The following ZBTB20 variants were observed in gnomAD, a reference collection of about 807,000 sequenced individuals.
The protein encoded by ZBTB20 is zinc finger and BTB domain-containing protein 20.
Under a neutral mutation model 56.9 loss-of-function variants are expected in ZBTB20, and 9 were observed. The observed-to-expected ratio is 0.16, with a 90% CI of 0.10 to 0.28. The LOEUF (loss-of-function observed/expected upper bound fraction) is 0.28, where lower values mean the gene tolerates loss of function less well. Ranked by LOEUF, ZBTB20 falls within the 10% of genes least tolerant of loss-of-function variation. ZBTB20 has a pLI of 1.00. For synonymous variants in ZBTB20, 417 were observed against 420.7 expected (o/e 0.99, Z 0.11); for missense variants, 655 against 1,003.0 (o/e 0.65, Z 4.69).
chr3:114,993,463 GCA>G (rs2078902712), intron 2 of ZBTB20, among the ~76,000 whole-genome samples: 1 of 151,696 alleles, frequency 6.6e-6, no homozygotes, highest in African/African-American at 2.4e-5. Context: ...TTTGAAAATT[GCA>G]CATTCTTTCC....
intron 4 of ZBTB20, among the ~76,000 whole-genome samples, chr3:114,885,342 AC>A (rs1237105307): frequency 6.6e-6 from 1 of 151,992 alleles, no homozygotes; most frequent in East Asian, 1.9e-4. Flanking sequence ...TATAATTCAA[AC>A]TTTATTTCCT....
chr3:114,450,882 A>C (rs1034909974), intron 7 of ZBTB20, among the ~76,000 whole-genome samples: 2 of 152,142 alleles, frequency 1.3e-5, no homozygotes, highest in Non-Finnish European at 2.9e-5. Context: ...CAATTGATTA[A>C]ATTTTGAGAT....
At chr3:114,723,810 T>G (rs1387473761) in intron 5 of ZBTB20, among the ~76,000 whole-genome samples, 1 of 152,182 alleles carries the variant, frequency 6.6e-6, no homozygotes, top group Non-Finnish European at 1.5e-5. Context: ...AATAAAATAA[T>G]AAAAAGCTTA....
At chr3:115,111,568 C>T (rs1560581104) in intron 1 of ZBTB20, among the ~76,000 whole-genome samples, 1 of 152,114 alleles carries the variant, frequency 6.6e-6, no homozygotes, top group Non-Finnish European at 1.5e-5. Flanking sequence ...TTAATTTGCA[C>T]TTTAGCAGTT....
chr3:114,984,513 G>A (rs1052885391), intron 2 of ZBTB20, among the ~76,000 whole-genome samples: 6 of 151,940 alleles, frequency 3.9e-5, no homozygotes, highest in African/African-American at 1.2e-4. Context: ...CCCATGTAGT[G>A]ACATTCCAAA....
At chr3:114,525,731 T>C (rs1002002506) in intron 6 of ZBTB20, among the ~76,000 whole-genome samples, 2 of 152,234 alleles carry the variant, frequency 1.3e-5, no homozygotes, top group Non-Finnish European at 2.9e-5. Context: ...TAACACAGTG[T>C]AGGGCAGATA....
Position 114,862,975 on chromosome 3 carries a change from A to G in ZBTB20, c.-417+37329T>C, listed in dbSNP as rs180791458. ...TGGAAGAGGTTCTAGGAATAAAGAC[A>G]AGGTCCTTATTTCAGAACTTAAATT... On this transcript the variant is annotated intron_variant, in intron 4 of 11. Coordinates refer to ENST00000675478, the MANE Select transcript of ZBTB20 (RefSeq NM_001348800.3). Among the ~76,000 whole-genome samples the G allele has an allele frequency of 1.9e-3, 289 of 152,280 alleles. 1 individual carries two copies. The highest frequency in any genetic ancestry group is 3.4e-3 in the Middle Eastern group (1 of 294).
At chr3:114,914,909 G>T (rs975588384) in intron 3 of ZBTB20, among the ~76,000 whole-genome samples, 2 of 151,834 alleles carry the variant, frequency 1.3e-5, no homozygotes, top group African/African-American at 2.4e-5. Flanking sequence ...ATTGAGGCCT[G>T]GGATAAATTC....
chr3:114,829,684 T>G (rs1255966538), intron 4 of ZBTB20, among the ~76,000 whole-genome samples: 4 of 151,886 alleles, frequency 2.6e-5, no homozygotes, highest in African/African-American at 9.7e-5. Flanking sequence ...GAGATGCAAG[T>G]ATAACTTCAT....
Position 114,821,633 on chromosome 3 carries a change from C to T in ZBTB20, c.-416-20459G>A, listed in dbSNP as rs143985464. On this transcript the variant is annotated intron_variant, in intron 4 of 11. Transcript: ENST00000675478. ...ATCTGTCCTCCTGCTTCCCACCTAC[C>T]GTACTTTATGTGGACCTTGATGAAT... Among the ~76,000 whole-genome samples the T allele has an allele frequency of 4.6e-5, 7 of 152,144 alleles. No individual in the cohort carries two copies. The East Asian group carries it at 9.7e-4, about 21-fold the overall frequency.
In ZBTB20 at chr3:114,337,763, C is replaced by T. The variant is rs2079509146; in HGVS notation, c.*1242G>A. ...TAACTTTAGTTGCCTTTTATTCTTT[C>T]TATCTGGAAGCAGTATCGCTAACCT... is the stretch of plus-strand genomic sequence containing the variant. On this transcript the variant is annotated 3_prime_UTR_variant, in exon 12 of 12. Coordinates refer to ENST00000675478, the MANE Select transcript of ZBTB20 (RefSeq NM_001348800.3). The T allele has an allele frequency of 6.6e-6, 1 of 152,006 alleles. No homozygotes were observed. The highest frequency in any genetic ancestry group is 1.5e-5 in the Non-Finnish European group (1 of 68,014). 9.4% of individuals were successfully genotyped at this position (152,006 alleles called of 1,614,324 possible).
chr3:114,787,331 T>TTATATATATA lies in ZBTB20; in HGVS notation c.-343+13760_-343+13769dup, dbSNP rs138181405. 9.6e-3 allele frequency among the ~76,000 whole-genome samples: 958 copies of TTATATATATA among 100,300 alleles called. 6 individuals carry two copies. Among genetic ancestry groups the TTATATATATA allele is most frequent in the Non-Finnish European group, 0.012 (634 of 54,648 alleles). The allele number at this position is 100,300 out of a possible 152,430, so 65.8% of individuals were successfully genotyped here. On this transcript the variant is annotated intron_variant, in intron 5 of 11. Coordinates refer to ENST00000675478, the MANE Select transcript of ZBTB20 (RefSeq NM_001348800.3). ...AGTGAAAGAAGCCAGTCTTAAAAGGTTATATATATATATATATATATATAT... is the reference window on the plus strand; with the variant it reads ...AGTGAAAGAAGCCAGTCTTAAAAGGTTATATATATATATATATATATATATATATATATAT...
chr3:115,082,521 C>G (rs2082833741), intron 1 of ZBTB20, among the ~76,000 whole-genome samples: 1 of 152,110 alleles, frequency 6.6e-6, no homozygotes, highest in Non-Finnish European at 1.5e-5. Flanking sequence ...TGCTGTCTCA[C>G]TGCACAGCCT....
chr3:114,336,908 T>C lies in ZBTB20; in HGVS notation c.*2097A>G, dbSNP rs1410614642. On this transcript the variant is annotated 3_prime_UTR_variant, in exon 12 of 12. Transcript: ENST00000675478. ...AAAATATGCCCAGCAATGAAATCACTTTGGGAGTTTCAGCTAGGTTTAAGA... is the reference window on the plus strand; with the variant it reads ...AAAATATGCCCAGCAATGAAATCACCTTGGGAGTTTCAGCTAGGTTTAAGA... 1 of 152,254 alleles carries C rather than the reference T, an allele frequency of 6.6e-6. No individual in the cohort carries two copies. Among genetic ancestry groups the C allele is most frequent in the African/African-American group, 2.4e-5 (1 of 41,478 alleles). The allele number at this position is 152,254 out of a possible 1,614,324, so 9.4% of individuals were successfully genotyped here.
At chr3:114,448,261 C>A (rs2091390817) in intron 7 of ZBTB20, among the ~76,000 whole-genome samples, 1 of 151,288 alleles carries the variant, frequency 6.6e-6, no homozygotes, top group Admixed American at 6.6e-5. Context: ...CCAAAAAAGT[C>A]ACAAACAAAA....
At chr3:114,672,300 A>G (rs570952835) in intron 6 of ZBTB20, among the ~76,000 whole-genome samples, 1 of 152,284 alleles carries the variant, frequency 6.6e-6, no homozygotes, top group East Asian at 1.9e-4. Context: ...CAGGAAGCTT[A>G]TTAAAAGAAC....
At chr3:115,000,658 C>T (rs7429393) in intron 2 of ZBTB20, among the ~76,000 whole-genome samples, 21,021 of 151,538 alleles carry the variant, frequency 0.14, 3,339 homozygotes, top group African/African-American at 0.39. Context: ...ACTTTGAAAA[C>T]AGCTACTTTA....
intron 5 of ZBTB20, among the ~76,000 whole-genome samples, chr3:114,792,600 TAGA>T (rs1485038525): frequency 2.6e-5 from 4 of 152,276 alleles, no homozygotes; most frequent in African/African-American, 4.8e-5. Flanking sequence ...GAGTTGGCTT[TAGA>T]ATACTTGTTC....
intron 6 of ZBTB20, among the ~76,000 whole-genome samples, chr3:114,546,585 G>A (rs2049915470): frequency 6.7e-6 from 1 of 150,362 alleles, no homozygotes; most frequent in Non-Finnish European, 1.5e-5. Context: ...AATCCAGACT[G>A]GAGAATTCAA....
Sources: gnomAD v4.1 joint callset for allele counts (sites outside exome capture counted in the v4.1 genomes callset) on GRCh38, gnomAD v4.1.1 for gene constraint, MANE v1.5 for transcripts, NCBI Gene and HGNC (gene_info 2026-07-23, HGNC 2026-07-21) for gene names.